SLC39A11: variants seen among roughly 807,000 people sequenced by gnomAD.
The protein encoded by SLC39A11 is solute carrier family 39 member 11, also known as zinc transporter ZIP11.
In SLC39A11, 33 loss-of-function variants were observed where a neutral mutation model predicts 36.1. The observed-to-expected ratio is 0.91, with a 90% CI of 0.69 to 1.22. The LOEUF is 1.22. Among genes scored for constraint, SLC39A11 ranks in the 50% most tolerant of loss-of-function variants. The pLI is 0.00. For synonymous variants in SLC39A11, 166 were observed against 170.3 expected (o/e 0.97, Z 0.20); for missense variants, 432 against 430.3 (o/e 1.00, Z -0.03).
At chr17:72,936,185 G>A (rs1359881497) in intron 5 of SLC39A11, among the ~76,000 whole-genome samples, 1 of 151,996 alleles carries the variant, frequency 6.6e-6, no homozygotes, top group African/African-American at 2.4e-5. Flanking sequence ...GCGACAGAGT[G>A]AGATGCTATC....
At chr17:72,736,531 G>T in intron 7 of SLC39A11, 119 bp downstream of exon 7, 2 of 829,586 alleles carry the variant, frequency 2.4e-6, no homozygotes, top group Non-Finnish European at 4.1e-6. Context: ...CATCAGTCTT[G>T]GTCCTGTGGG....
intron 6 of SLC39A11, chr17:72,821,635 A>G (rs2077788561): frequency 6.6e-6 from 1 of 150,886 alleles, no homozygotes; most frequent in Admixed American, 6.6e-5. Flanking sequence ...ATGTATAGGG[A>G]TATCCACATT....
At chr17:72,822,715 TTTTC>T (rs1339986241) in intron 6 of SLC39A11, among the ~76,000 whole-genome samples, 1 of 150,804 alleles carries the variant, frequency 6.6e-6, no homozygotes, top group Non-Finnish European at 1.5e-5. Context: ...CCTAAACTTT[TTTTC>T]TTTCTTTCTT....
intron 7 of SLC39A11, among the ~76,000 whole-genome samples, chr17:72,671,655 C>T (rs1598297745): frequency 1.3e-5 from 2 of 151,872 alleles, no homozygotes; most frequent in East Asian, 1.9e-4. Context: ...CAGGAGGTGG[C>T]GGTTGCAGTA....
Position 72,750,245 on chromosome 17 carries a change from G to A in SLC39A11, c.602-13526C>T, listed in dbSNP as rs528590442. ...TTCCTCCCCCAAGTTCACATGAAGA[G>A]GTCGTGCAGTCTGGGTCCCAGGTTG... On this transcript the variant is annotated intron_variant, in intron 6 of 9. Transcript: ENST00000255559. Among the ~76,000 whole-genome samples the A allele has an allele frequency of 5.3e-5, 8 of 152,254 alleles. No homozygotes were observed. The East Asian group carries it at 1.6e-3, about 30-fold the overall frequency.
At chr17:72,779,900 G>A (rs1406151840) in intron 6 of SLC39A11, among the ~76,000 whole-genome samples, 2 of 152,140 alleles carry the variant, frequency 1.3e-5, no homozygotes, top group Non-Finnish European at 1.5e-5. Context: ...ATAGGGCAAG[G>A]AGTCTGTGGC....
chr17:73,014,751 C>T (rs9911924), intron 4 of SLC39A11, among the ~76,000 whole-genome samples: 122,146 of 152,124 alleles, frequency 0.8, 51,709 homozygotes, highest in Middle Eastern at 0.94. Context: ...TTGTTCTCTT[C>T]GCTCCCAGCG....
At position 72,969,141 on chromosome 17, in the gene SLC39A11, A is replaced by G. The variant is rs542066161; in HGVS notation, c.307-21266T>C. On this transcript the variant is annotated intron_variant, in intron 4 of 9. Transcript: ENST00000255559. The stretch of plus-strand genomic sequence containing the variant: ...TCAGGGAACATATTGCAGGAAGGTT[A>G]CAGGGTTTGACATTTTCACTGGAGC... 1.7e-4 allele frequency among the ~76,000 whole-genome samples: 26 copies of G among 152,296 alleles called. 1 individual carries two copies. In the South Asian group the frequency reaches 5.4e-3, roughly 32 times the overall value.
At chr17:72,922,054 G>C (rs879426658) in intron 5 of SLC39A11, among the ~76,000 whole-genome samples, 1 of 152,162 alleles carries the variant, frequency 6.6e-6, no homozygotes, top group Non-Finnish European at 1.5e-5. Flanking sequence ...ACCTAGGTCT[G>C]TCTGAAAGCC....
intron 6 of SLC39A11, among the ~76,000 whole-genome samples, chr17:72,842,076 C>CTGTGTGTGTG (rs1440660547): frequency 2.1e-4 from 8 of 37,252 alleles, no homozygotes; most frequent in East Asian, 1.3e-3. Flanking sequence ...TCTCAAAAAA[C>CTGTGTGTGTG]TATGTGTGTG....
chr17:72,697,987 T>A (rs908668275), intron 7 of SLC39A11, among the ~76,000 whole-genome samples: 1 of 152,202 alleles, frequency 6.6e-6, no homozygotes, highest in Admixed American at 6.5e-5. Context: ...GTTTTCCGCC[T>A]TGGACAGTGG....
chr17:72,766,647 T>C (rs1054397070), intron 6 of SLC39A11, among the ~76,000 whole-genome samples: 1 of 152,210 alleles, frequency 6.6e-6, no homozygotes, highest in Non-Finnish European at 1.5e-5. Context: ...CAGTTTTCAA[T>C]ATAACTTACT....
At chr17:72,868,821 A>G (rs1223244327) in intron 5 of SLC39A11, among the ~76,000 whole-genome samples, 1 of 151,962 alleles carries the variant, frequency 6.6e-6, no homozygotes, top group Non-Finnish European at 1.5e-5. Flanking sequence ...AACAAAAAAA[A>G]AATCTTCAGT....
At chr17:72,958,866 GA>G (rs1352681278) in intron 4 of SLC39A11, among the ~76,000 whole-genome samples, 488 of 95,314 alleles carry the variant, frequency 5.1e-3, no homozygotes, top group South Asian at 0.024. Context: ...AAAGAAAAAA[GA>G]AAAAAAAAAA....
chr17:72,746,602 G>A (rs1246265463), intron 6 of SLC39A11, among the ~76,000 whole-genome samples: 2 of 152,106 alleles, frequency 1.3e-5, no homozygotes, highest in African/African-American at 4.8e-5. Context: ...GCCGGGCGTG[G>A]TGGTGGGCAC....
intron 6 of SLC39A11, among the ~76,000 whole-genome samples, chr17:72,830,823 A>T (rs1219009483): frequency 6.6e-6 from 1 of 151,782 alleles, no homozygotes; most frequent in African/African-American, 2.4e-5. Context: ...ACCTCTCCAC[A>T]CTCAACCCAT....
intron 6 of SLC39A11, among the ~76,000 whole-genome samples, chr17:72,804,081 C>T (rs1258252302): frequency 1.3e-5 from 2 of 152,078 alleles, no homozygotes; most frequent in African/African-American, 4.8e-5. Context: ...CTGCAAGCTC[C>T]GCCTCCTGGG....
intron 5 of SLC39A11, among the ~76,000 whole-genome samples, chr17:72,866,306 C>A (rs1486721348): frequency 6.6e-6 from 1 of 152,128 alleles, no homozygotes; most frequent in Non-Finnish European, 1.5e-5. Context: ...CTCCCATTAC[C>A]CCCAGATGGG....
At chr17:72,877,116 T>C (rs867222969) in intron 5 of SLC39A11, among the ~76,000 whole-genome samples, 5 of 152,208 alleles carry the variant, frequency 3.3e-5, no homozygotes, top group African/African-American at 1.2e-4. Context: ...AAAAGAATCA[T>C]CATCTCTATA....
Sources: gnomAD v4.1 joint callset for allele counts (sites outside exome capture counted in the v4.1 genomes callset) on GRCh38, gnomAD v4.1.1 for gene constraint, MANE v1.5 for transcripts, NCBI Gene and HGNC (gene_info 2026-07-23, HGNC 2026-07-21) for gene names.